Variants in IMMT observed in about 807,000 individuals in gnomAD.
IMMT encodes inner membrane mitochondrial protein, also known as MICOS complex subunit MIC60.
IMMT carries 40 observed loss-of-function variants against 92.7 expected under a neutral mutation model. The ratio of observed to expected loss-of-function variants is 0.43; its 90% confidence interval spans 0.34 to 0.56. The LOEUF (loss-of-function observed/expected upper bound fraction) is 0.56. Among genes scored for constraint, IMMT ranks in the 20% least tolerant of loss-of-function variants. The pLI is 0.03. For synonymous variants in IMMT, 322 were observed against 336.1 expected (o/e 0.96, Z 0.46); for missense variants, 831 against 912.1 (o/e 0.91, Z 1.14).
chr2:86,167,734 A>C (rs554856529), intron 6 of IMMT, among the ~76,000 whole-genome samples: 46 of 134,664 alleles, frequency 3.4e-4, no homozygotes, highest in Non-Finnish European at 5.3e-4. Context: ...CATCCACCTC[A>C]GCCTCTCAAA....
chr2:86,181,785 C>T (rs1406918553), intron 1 of IMMT, among the ~76,000 whole-genome samples: 3 of 152,090 alleles, frequency 2.0e-5, no homozygotes, highest in African/African-American at 7.2e-5. Context: ...CATGGCGTTA[C>T]AGGATACACA....
chr2:86,187,400 T>C lies in IMMT; in HGVS notation c.46-6028A>G, dbSNP rs147002793. On this transcript the variant is annotated intron_variant, in intron 1 of 14. Transcript: ENST00000410111. ...TATCACATATGTAGCTTGTACTTCA[T>C]TCCTTTTTATGGCTGAATCTAATAT... 3.9e-3 allele frequency among the ~76,000 whole-genome samples: 597 copies of C among 152,362 alleles called. 1 individual carries two copies. Among genetic ancestry groups the C allele is most frequent in the African/African-American group, 0.014 (571 of 41,594 alleles).
chr2:86,173,733 C>A lies in IMMT; in HGVS notation c.338G>T (p.Ser113Ile). 6.2e-7 allele frequency: 1 copy of A among 1,603,718 alleles called. No homozygotes were observed. The highest frequency in any genetic ancestry group is 8.5e-7 in the Non-Finnish European group (1 of 1,171,664). The change falls in exon 4 of 15, where the codon AGT (serine) becomes ATT (isoleucine). Residue 113 changes from serine (S) to isoleucine (I), a missense_variant. By Grantham distance (142) the Ser-to-Ile change is moderately radical (BLOSUM62 -2). Coordinates refer to ENST00000410111, the MANE Select transcript of IMMT (RefSeq NM_006839.3). The stretch of plus-strand genomic sequence containing the variant: ...AGATTCTTTCATTACTTCTGATACA[C>A]TAGAGATTTTTAGTGGACCCGACTG... The part of the protein sequence containing the change: ...SIQSGPLKIS[S>I]VSEVMKESKQ...
chr2:86,168,851 TACA>T (rs1251156960), intron 6 of IMMT, among the ~76,000 whole-genome samples: 3 of 152,096 alleles, frequency 2.0e-5, no homozygotes, highest in Non-Finnish European at 4.4e-5. Context: ...GAGCAGGGGA[TACA>T]ACAAGAGAAA....
chr2:86,190,995 T>C (rs1673080119), intron 1 of IMMT, among the ~76,000 whole-genome samples: 1 of 151,846 alleles, frequency 6.6e-6, no homozygotes, highest in Admixed American at 6.6e-5. Flanking sequence ...CTATCTGTGA[T>C]GGTTCATTTT....
chr2:86,147,679 C>G (rs377149001), intron 13 of IMMT, 23 bp downstream of exon 13: 1 of 1,607,058 alleles, frequency 6.2e-7, no homozygotes, highest in Non-Finnish European at 8.5e-7. Flanking sequence ...AGGGGTGTGG[C>G]TGAAGGGAGT....
intron 7 of IMMT, among the ~76,000 whole-genome samples, chr2:86,164,051 C>CCTTTT (rs1333229562): frequency 2.4e-5 from 2 of 83,054 alleles, no homozygotes; most frequent in Non-Finnish European, 2.6e-5. Context: ...CCACTTTAGT[C>CCTTTT]ATTTTTTTTT....
At chr2:86,157,279 A>G (rs1188694135) in intron 10 of IMMT, among the ~76,000 whole-genome samples, 1 of 152,174 alleles carries the variant, frequency 6.6e-6, no homozygotes, top group African/African-American at 2.4e-5. Context: ...AAAGAGCTCA[A>G]TGTCTGAGTT....
chr2:86,168,460 T>C (rs1318650164), intron 6 of IMMT, among the ~76,000 whole-genome samples: 1 of 152,048 alleles, frequency 6.6e-6, no homozygotes, highest in Non-Finnish European at 1.5e-5. Flanking sequence ...CCGTCTCTAC[T>C]AAAAATACAA....
intron 6 of IMMT, among the ~76,000 whole-genome samples, chr2:86,170,448 C>T (rs1677003185): frequency 6.6e-6 from 1 of 152,140 alleles, no homozygotes; most frequent in Non-Finnish European, 1.5e-5. Context: ...TTTAGGCAAG[C>T]TGCTAAAACA....
chr2:86,147,519 A>G (rs909640146), intron 13 of IMMT, among the ~76,000 whole-genome samples, 183 bp downstream of exon 13: 2 of 152,260 alleles, frequency 1.3e-5, no homozygotes, highest in Non-Finnish European at 2.9e-5. Flanking sequence ...ACTAGAATAT[A>G]TATTTTAAAA....
chr2:86,194,983 G>T, intron 1 of IMMT: 1 of 269,812 alleles, frequency 3.7e-6, no homozygotes, highest in Non-Finnish European at 7.4e-6. Flanking sequence ...TGTAGTTCTC[G>T]CCCGTCGACC....
At chr2:86,181,953 A>G (rs1311312653) in intron 1 of IMMT, among the ~76,000 whole-genome samples, 2 of 152,236 alleles carry the variant, frequency 1.3e-5, no homozygotes, top group Non-Finnish European at 2.9e-5. Context: ...AACCATTTTA[A>G]GAAAAACATT....
intron 7 of IMMT, among the ~76,000 whole-genome samples, chr2:86,166,279 C>T (rs1489735827): frequency 6.6e-6 from 1 of 152,070 alleles, no homozygotes. Context: ...TGCAATGAGC[C>T]GAGATCGCAC....
chr2:86,186,797 G>A (rs1190297236), intron 1 of IMMT, among the ~76,000 whole-genome samples: 1 of 152,166 alleles, frequency 6.6e-6, no homozygotes, highest in Admixed American at 6.5e-5. Context: ...TTTACCCCAA[G>A]CTCAAGGTGG....
intron 1 of IMMT, among the ~76,000 whole-genome samples, chr2:86,190,185 C>T (rs1673032045): frequency 6.6e-6 from 1 of 152,172 alleles, no homozygotes. Flanking sequence ...AAACACCTGG[C>T]CGCATGATCT....
chr2:86,193,087 A>C (rs1233650223), intron 1 of IMMT: 1 of 152,858 alleles, frequency 6.5e-6, no homozygotes, highest in Non-Finnish European at 1.5e-5. Flanking sequence ...AGGAGGGAAC[A>C]GTAAAAGCAG....
chr2:86,151,662 CCAGTT>C, intron 11 of IMMT, 142 bp from the exon 12 acceptor site: 1 of 668,148 alleles, frequency 1.5e-6, no homozygotes, highest in Non-Finnish European at 2.5e-6. Context: ...TTTAGATTCC[CCAGTT>C]CAATCAGAAA....
rs117476275 is a variant in IMMT, at chr2:86,188,675, C to T, written c.45+6663G>A. On this transcript the variant is annotated intron_variant, in intron 1 of 14. Coordinates refer to ENST00000410111, the MANE Select transcript of IMMT (RefSeq NM_006839.3). ...TCCTGCGCTCAAGCGTTCTGCCTGCCTCAGCTTCCCAAAGTGCTGGGATGA... is the reference window on the plus strand; with the variant it reads ...TCCTGCGCTCAAGCGTTCTGCCTGCTTCAGCTTCCCAAAGTGCTGGGATGA... Among the ~76,000 whole-genome samples, 1,033 of 152,314 alleles carry T rather than the reference C, an allele frequency of 6.8e-3. 26 individuals are homozygous for T. The East Asian group carries it at 0.1, about 15-fold the overall frequency.
Sources: allele counts gnomAD v4.1 joint callset (sites outside exome capture counted in the v4.1 genomes callset), GRCh38; gene constraint gnomAD v4.1.1; transcripts MANE v1.5; gene names NCBI Gene and HGNC (gene_info 2026-07-23, HGNC 2026-07-21).